ZFP69: variants seen among roughly 807,000 people sequenced by gnomAD.
ZFP69 encodes zinc finger protein 69 homolog.
Under a neutral mutation model 48.9 loss-of-function variants are expected in ZFP69, and 35 were observed. The observed-to-expected ratio is 0.72, with a 90% confidence interval of 0.55 to 0.95. The LOEUF (loss-of-function observed/expected upper bound fraction) is 0.95, where lower values mean the gene tolerates loss of function less well. Among genes scored for constraint, ZFP69 ranks in the 40% least tolerant of loss-of-function variants. ZFP69 has a pLI of 0.00. For synonymous variants in ZFP69, 193 were observed against 216.8 expected (o/e 0.89, Z 0.96); for missense variants, 557 against 638.4 (o/e 0.87, Z 1.37).
chr1:40,482,700 T>C (rs756668193), intron 3 of ZFP69, among the ~76,000 whole-genome samples: 1 of 152,138 alleles, frequency 6.6e-6, no homozygotes, highest in African/African-American at 2.4e-5. Context: ...AAAAGAACAT[T>C]GGAGGCATAT....
chr1:40,486,788 C>T (rs1645505030), intron 3 of ZFP69, among the ~76,000 whole-genome samples: 1 of 151,874 alleles, frequency 6.6e-6, no homozygotes, highest in African/African-American at 2.4e-5. Context: ...TCTCTTGGTA[C>T]TCTAGTTTGA....
At chr1:40,479,588 T>C in intron 2 of ZFP69, 100 bp downstream of exon 2, 523 of 1,001,594 alleles carry the variant, frequency 5.2e-4, no homozygotes, top group Middle Eastern at 7.7e-4. Context: ...GGAGAGAAGG[T>C]CTCTGGGGGT....
At chr1:40,481,324 A>G (rs1187083560) in intron 2 of ZFP69, among the ~76,000 whole-genome samples, 1 of 152,150 alleles carries the variant, frequency 6.6e-6, no homozygotes, top group Non-Finnish European at 1.5e-5. Context: ...AGCAGTACCC[A>G]TTGTTGAGAA....
chr1:40,495,028 A>C lies in ZFP69; in HGVS notation c.550A>C (p.Ile184Leu). 1 of 1,614,064 alleles carries C rather than the reference A, an allele frequency of 6.2e-7. No homozygotes were observed. The highest frequency in any genetic ancestry group is 8.5e-7 in the Non-Finnish European group (1 of 1,180,006). Residue 184 changes from isoleucine (I) to leucine (L), a missense_variant, in exon 6 of 6, where the codon ATT becomes CTT. Physicochemically the swap from Ile to Leu is conservative, Grantham distance 5 (BLOSUM62 2). Transcript: ENST00000372706. ...MMESFMRDDI[I>L]YSTLRKVSTY... ...GGAAAGTTTCATGAGGGATGATATA[A>C]TTTATTCCACGTTGAGAAAAGTCTC...
intron 5 of ZFP69, 29 bp from the exon 6 acceptor site, chr1:40,494,892 T>G: frequency 6.3e-7 from 1 of 1,581,574 alleles, no homozygotes; most frequent in Non-Finnish European, 8.6e-7. Flanking sequence ...CAGTAATTGG[T>G]TTTTAAAGCT....
intron 5 of ZFP69, among the ~76,000 whole-genome samples, chr1:40,494,255 A>ATTTTTTTTTTTTTTTTTTTT (rs1645598717): frequency 8.1e-6 from 1 of 123,856 alleles, no homozygotes. Context: ...AAAGATTCAA[A>ATTTTTTTTTTTTTTTTTTTT]ATTTTTTTTT....
chr1:40,495,954 A>G lies in ZFP69; in HGVS notation c.1476A>G (p.Glu492=), dbSNP rs1484542827. ...AACATCAGAGACATCACACTGGAGAAAAACCTTACGAATGTAACGAATGTG... is the reference window on the plus strand; with the variant it reads ...AACATCAGAGACATCACACTGGAGAGAAACCTTACGAATGTAACGAATGTG... ...FKKHQRHHTG[E]KPYECNECGK... is the part of the protein sequence containing the mutation. Residue 492 remains glutamate (E), a synonymous_variant, in exon 6 of 6, where the codon GAA becomes GAG. Transcript: ENST00000372706. 6.2e-7 allele frequency: 1 copy of G among 1,614,070 alleles called. No individual in the cohort carries two copies.
At chr1:40,483,029 T>C (rs1415840811) in intron 3 of ZFP69, among the ~76,000 whole-genome samples, 1 of 152,046 alleles carries the variant, frequency 6.6e-6, no homozygotes, top group Non-Finnish European at 1.5e-5. Context: ...ACAGAACATA[T>C]ATTCTTTTTA....
intron 3 of ZFP69, among the ~76,000 whole-genome samples, chr1:40,484,656 T>C (rs1645476904): frequency 6.7e-6 from 1 of 149,282 alleles, no homozygotes; most frequent in Admixed American, 6.7e-5. Flanking sequence ...TCTTGGCTCA[T>C]TGCAACCTCT....
At chr1:40,488,804 A>T (rs376547672) in intron 3 of ZFP69, among the ~76,000 whole-genome samples, 1 of 152,142 alleles carries the variant, frequency 6.6e-6, no homozygotes, top group Non-Finnish European at 1.5e-5. Flanking sequence ...GGTTCTCCCA[A>T]TGTCTCTTAT....
At chr1:40,478,379 G>T (rs76506106) in intron 1 of ZFP69, among the ~76,000 whole-genome samples, 1 of 152,180 alleles carries the variant, frequency 6.6e-6, no homozygotes, top group African/African-American at 2.4e-5. Flanking sequence ...TACACCATTT[G>T]AAGACATACC....
chr1:40,495,346 A>G lies in ZFP69; in HGVS notation c.868A>G (p.Met290Val). Residue 290 changes from methionine (M) to valine (V), a missense_variant, in exon 6 of 6, where the codon ATG becomes GTG. Physicochemically the swap from Met to Val is conservative, Grantham distance 21. Coordinates refer to ENST00000372706, the MANE Select transcript of ZFP69 (RefSeq NM_001320179.2). ...FKQPIHLTEH[M>V]RIHTGEKPFR... ...ACAACCTATTCACCTTACTGAACATATGAGAATTCATACTGGTGAGAAACC... is the reference window on the plus strand; with the variant it reads ...ACAACCTATTCACCTTACTGAACATGTGAGAATTCATACTGGTGAGAAACC... 1.2e-6 allele frequency: 2 copies of G among 1,614,214 alleles called. No homozygotes were observed. Among genetic ancestry groups the G allele is most frequent in the Non-Finnish European group, 1.7e-6 (2 of 1,180,030 alleles).
At chr1:40,491,785 G>GTGTGTATA (rs1553129570) in intron 5 of ZFP69, among the ~76,000 whole-genome samples, 11 of 148,844 alleles carry the variant, frequency 7.4e-5, no homozygotes, top group Middle Eastern at 3.4e-3. Context: ...GTGTGTGTGT[G>GTGTGTATA]TATATATATA....
In ZFP69 at chr1:40,489,205, G is replaced by T; in HGVS notation, c.337G>T (p.Val113Leu). ...GATGCTGGAGAACTACAGCAACTTG[G>T]TGTCAGTGGGTAAGACTTGGCTATC... ...EVMLENYSNL[V>L]SVGYQLSKPS... is the part of the protein sequence containing the mutation. Residue 113 changes from valine to leucine, a missense_variant, in exon 4 of 6, where the codon GTG (valine) becomes TTG (leucine). Coordinates refer to ENST00000372706, the MANE Select transcript of ZFP69 (RefSeq NM_001320179.2). 4 of 1,614,006 alleles carry T rather than the reference G, an allele frequency of 2.5e-6. No individual in the cohort carries two copies. Among genetic ancestry groups the T allele is most frequent in the Non-Finnish European group, 3.4e-6 (4 of 1,179,982 alleles).
At position 40,486,687 on chromosome 1, in the gene ZFP69, G is replaced by A. The variant is rs1645503948; in HGVS notation, c.220-2401G>A. 1.3e-5 allele frequency among the ~76,000 whole-genome samples: 2 copies of A among 151,860 alleles called. 1 individual carries two copies. Among genetic ancestry groups the A allele is most frequent in the South Asian group, 4.1e-4 (2 of 4,820 alleles). On this transcript the variant is annotated intron_variant, in intron 3 of 5. Coordinates refer to ENST00000372706, the MANE Select transcript of ZFP69 (RefSeq NM_001320179.2). ...TCCTCCTGCCTTGGCCTTCCAAAGT[G>A]CTAGGATTACAGGCAGGAGCCATCC... is the stretch of plus-strand genomic sequence containing the variant.
rs1261595703 is a variant in ZFP69 at position 40,495,685 on chromosome 1, A to C, written c.1207A>C (p.Arg403=). The change falls in exon 6 of 6, where the codon AGA becomes CGA. Residue 403 remains arginine, a synonymous_variant. Coordinates refer to ENST00000372706, the MANE Select transcript of ZFP69 (RefSeq NM_001320179.2). The part of the protein sequence containing the change: ...RQIRHLSEHI[R]IHTGEKPYAC... ...GATTAGACACCTTAGTGAACATATA[A>C]GAATTCATACCGGGGAGAAGCCCTA... 1 of 1,614,242 alleles carries C rather than the reference A, an allele frequency of 6.2e-7. No homozygotes were observed. The highest frequency in any genetic ancestry group is 8.5e-7 in the Non-Finnish European group (1 of 1,180,050).
Position 40,495,772 on chromosome 1 carries a change from A to C in ZFP69, c.1294A>C (p.Ile432Leu), listed in dbSNP as rs1200199296. 2 of 1,614,232 alleles carry C rather than the reference A, an allele frequency of 1.2e-6. No homozygotes were observed. The highest frequency in any genetic ancestry group is 1.7e-6 in the Non-Finnish European group (2 of 1,180,032). Residue 432 changes from isoleucine to leucine, a missense_variant, in exon 6 of 6, where the codon ATC (isoleucine) becomes CTC (leucine). Transcript: ENST00000372706. Reference sequence around the variant, plus strand: ...AGCGTATCTAACACATCACCAGAGAATCCATACTGGGGAGAGACCCTACAA... The same window carrying C: ...AGCGTATCTAACACATCACCAGAGACTCCATACTGGGGAGAGACCCTACAA... ...HRAYLTHHQR[I>L]HTGERPYKCK... is the part of the protein sequence containing the mutation.
chr1:40,495,586 T>G lies in ZFP69; in HGVS notation c.1108T>G (p.Leu370Val). ...GAAAGCTTTCAGCCAGAACATTAGC[T>G]TGGTTCAACATTTGAGGACTCATTC... is the stretch of plus-strand genomic sequence containing the variant. ...CQKAFSQNISLVQHLRTHSGE... is the reference protein window; with the variant it reads ...CQKAFSQNISVVQHLRTHSGE... Residue 370 changes from leucine (L) to valine (V), a missense_variant, in exon 6 of 6, where the codon TTG becomes GTG. Leu to Val is a conservative substitution (Grantham distance 32). Coordinates refer to ENST00000372706, the MANE Select transcript of ZFP69 (RefSeq NM_001320179.2). 2 of 1,614,232 alleles carry G rather than the reference T, an allele frequency of 1.2e-6. No homozygotes were observed. The highest frequency in any genetic ancestry group is 8.5e-7 in the Non-Finnish European group (1 of 1,180,040).
intron 5 of ZFP69, chr1:40,493,152 G>A (rs1201083355): frequency 2.0e-5 from 3 of 151,936 alleles, no homozygotes; most frequent in Non-Finnish European, 2.9e-5. Flanking sequence ...TTGAACCCGG[G>A]AGGTGGAGGT....
Sources: allele counts gnomAD v4.1 joint callset (sites outside exome capture counted in the v4.1 genomes callset), GRCh38; gene constraint gnomAD v4.1.1; transcripts MANE v1.5; gene names NCBI Gene and HGNC (gene_info 2026-07-23, HGNC 2026-07-21).